The following MYO18B variants were observed in gnomAD, a reference collection of about 807,000 sequenced individuals.
The protein encoded by MYO18B is myosin XVIIIB.
In MYO18B, 204 loss-of-function variants were observed where a neutral mutation model predicts 273.0. The ratio of observed to expected loss-of-function variants is 0.75; its 90% CI spans 0.67 to 0.84. The LOEUF (loss-of-function observed/expected upper bound fraction) is 0.84. Among genes scored for constraint, MYO18B ranks in the 40% least tolerant of loss-of-function variants. The pLI, the probability that MYO18B is intolerant of heterozygous loss-of-function variation, is 0.00. For synonymous variants in MYO18B, 1,330 were observed against 1,305.7 expected, an observed-to-expected ratio of 1.02 and a Z score of -0.40; for missense variants, 3,212 against 3,287.6, an observed-to-expected ratio of 0.98 and a Z score of 0.56.
intron 1 of MYO18B, among the ~76,000 whole-genome samples, chr22:25,745,358 C>A (rs1021076799): frequency 1.3e-5 from 2 of 152,106 alleles, no homozygotes; most frequent in African/African-American, 4.8e-5. Context: ...GATCCACCCA[C>A]CTCAGCCTCC....
At chr22:25,778,372 T>C (rs181570838) in intron 8 of MYO18B, among the ~76,000 whole-genome samples, 41 of 152,242 alleles carry the variant, frequency 2.7e-4, no homozygotes, top group African/African-American at 9.4e-4. Context: ...GATCTGGGCC[T>C]TAAAAAAGAG....
At chr22:25,753,220 G>GC (rs148800649) in intron 1 of MYO18B, among the ~76,000 whole-genome samples, 1 of 151,968 alleles carries the variant, frequency 6.6e-6, no homozygotes, top group Non-Finnish European at 1.5e-5. Context: ...CTGGCCTCCC[G>GC]GTCGGCAGGG....
At chr22:25,940,639 G>A (rs746782849) in intron 34 of MYO18B, among the ~76,000 whole-genome samples, 4 of 152,060 alleles carry the variant, frequency 2.6e-5, no homozygotes, top group African/African-American at 4.8e-5. Flanking sequence ...ACATCCCCCC[G>A]GTGGTAGAGA....
At chr22:25,777,414 A>G (rs1297063642) in intron 7 of MYO18B, among the ~76,000 whole-genome samples, 169 bp from the exon 8 acceptor site, 1 of 152,232 alleles carries the variant, frequency 6.6e-6, no homozygotes, top group Non-Finnish European at 1.5e-5. Flanking sequence ...AGGACTAGAC[A>G]TACAGGCTTG....
At chr22:25,947,337 C>T (rs1206866329) in intron 35 of MYO18B, among the ~76,000 whole-genome samples, 1 of 151,968 alleles carries the variant, frequency 6.6e-6, no homozygotes, top group East Asian at 1.9e-4. Flanking sequence ...GAACAAAGTC[C>T]CTGTTCTCAG....
Position 25,777,664 on chromosome 22 carries a change from C to A in MYO18B, c.1951C>A (p.Arg651=), listed in dbSNP as rs375068756. ...QRAYWALLNQ[R]RDQSIVALGW... ...GGCATACTGGGCGCTGCTGAACCAG[C>A]GGAGAGACCAGAGCATTGTGGCCCT... The change falls in exon 8 of 44, where the codon CGG becomes AGG. Residue 651 remains arginine (R), a synonymous_variant. Coordinates refer to ENST00000335473, the MANE Select transcript of MYO18B (RefSeq NM_032608.7). 1 of 1,612,914 alleles carries A rather than the reference C, an allele frequency of 6.2e-7. No homozygotes were observed.
rs1267237567 is a variant in MYO18B, at chr22:25,770,936, T to C, written c.1644T>C (p.Ile548=). 3.2e-6 allele frequency: 5 copies of C among 1,552,272 alleles called. No individual in the cohort carries two copies. The highest frequency in any genetic ancestry group is 3.9e-5 in the Admixed American group (2 of 51,022). ...DLPAGRVRLW[I]DADKTITEVD... ...CAGCAGGAAGGGTGAGACTTTGGAT[T>C]GATGCTGACAAAACCATCACTGAGG... Residue 548 remains isoleucine, a synonymous_variant, in exon 6 of 44, where the codon ATT becomes ATC. Transcript: ENST00000335473.
At chr22:25,872,660 A>G (rs1460205545) in intron 22 of MYO18B, among the ~76,000 whole-genome samples, 1 of 150,728 alleles carries the variant, frequency 6.6e-6, no homozygotes, top group Non-Finnish European at 1.5e-5. Context: ...TCGTGGGCCA[A>G]TGCCTTTTTT....
downstream of MYO18B, among the ~76,000 whole-genome samples, chr22:26,034,928 A>G (rs968324785): frequency 6.6e-6 from 1 of 152,368 alleles, no homozygotes; most frequent in African/African-American, 2.4e-5. Flanking sequence ...GGCACTGTAG[A>G]AAAAGCTAAG....
At chr22:25,830,368 G>A (rs921150379) in intron 15 of MYO18B, among the ~76,000 whole-genome samples, 2 of 152,128 alleles carry the variant, frequency 1.3e-5, no homozygotes, top group Non-Finnish European at 2.9e-5. Context: ...CAAGTGTAGT[G>A]GCTTAGAAAA....
intron 40 of MYO18B, among the ~76,000 whole-genome samples, chr22:25,993,663 A>G (rs1039853607): frequency 1.3e-5 from 2 of 152,084 alleles, no homozygotes; most frequent in Admixed American, 6.6e-5. Flanking sequence ...TCCTACCCAG[A>G]CCTTTGCCAT....
intron 13 of MYO18B, among the ~76,000 whole-genome samples, chr22:25,824,672 C>T (rs113471547): frequency 0.02 from 3,011 of 152,228 alleles, 75 homozygotes; most frequent in African/African-American, 0.054. Flanking sequence ...GGGACTTCGG[C>T]GTGAGGACTG....
rs776243094 is a variant in MYO18B, at chr22:25,769,217, A to G, written c.1301A>G (p.Lys434Arg). ...GTGGAGTCGCCAGCAGCTCCTGGGA[A>G]GGGAGGCTGGCCAGGAAGCCGTGGG... Reference protein sequence around the residue: ...TMVESPAAPGKGGWPGSRGQE... With the variant: ...TMVESPAAPGRGGWPGSRGQE... Residue 434 changes from lysine to arginine, a missense_variant, in exon 4 of 44, where the codon AAG becomes AGG. Coordinates refer to ENST00000335473, the MANE Select transcript of MYO18B (RefSeq NM_032608.7). 5 of 1,604,698 alleles carry G rather than the reference A, an allele frequency of 3.1e-6. No individual in the cohort carries two copies. In the African/African-American group the frequency reaches 5.3e-5, roughly 17 times the overall value.
intron 21 of MYO18B, among the ~76,000 whole-genome samples, chr22:25,855,584 TTC>T (rs2090548142): frequency 6.6e-6 from 1 of 152,192 alleles, no homozygotes; most frequent in Non-Finnish European, 1.5e-5. Flanking sequence ...CCGGCCCTCA[TTC>T]TTTTTTTGTG....
intron 39 of MYO18B, among the ~76,000 whole-genome samples, chr22:25,977,156 G>A (rs752505741): frequency 6.6e-6 from 1 of 152,084 alleles, no homozygotes; most frequent in Non-Finnish European, 1.5e-5. Context: ...CAATGGATGT[G>A]GTTCTCCTTC....
chr22:25,947,296 G>A (rs2092723347), intron 35 of MYO18B, among the ~76,000 whole-genome samples: 1 of 152,014 alleles, frequency 6.6e-6, no homozygotes, highest in Non-Finnish European at 1.5e-5. Flanking sequence ...GGCTGGCCTG[G>A]TGCTTGCTGC....
intron 38 of MYO18B, among the ~76,000 whole-genome samples, chr22:25,954,893 A>G (rs1198758270): frequency 1.3e-5 from 2 of 152,026 alleles, no homozygotes; most frequent in African/African-American, 4.8e-5. Context: ...TGTATTTCTT[A>G]GAGAAGGGAT....
intron 1 of MYO18B, among the ~76,000 whole-genome samples, chr22:25,744,514 G>A (rs1428485192): frequency 3.3e-5 from 5 of 152,078 alleles, no homozygotes; most frequent in Non-Finnish European, 7.4e-5. Context: ...GGCAGATCAC[G>A]AGGTCAGGAG....
At position 25,769,223 on chromosome 22, in the gene MYO18B, G is replaced by T. The variant is rs1246598364; in HGVS notation, c.1307G>T (p.Gly436Val). The T allele has an allele frequency of 6.2e-7, 1 of 1,603,156 alleles. No homozygotes were observed. Among genetic ancestry groups the T allele is most frequent in the African/African-American group, 1.3e-5 (1 of 74,744 alleles). ...VESPAAPGKG[G>V]WPGSRGQEAE... Reference sequence around the variant, plus strand: ...TCGCCAGCAGCTCCTGGGAAGGGAGGCTGGCCAGGAAGCCGTGGGCAGGAA... The same window carrying T: ...TCGCCAGCAGCTCCTGGGAAGGGAGTCTGGCCAGGAAGCCGTGGGCAGGAA... The change falls in exon 4 of 44, where the codon GGC (glycine) becomes GTC (valine). Residue 436 changes from glycine to valine, a missense_variant. Transcript: ENST00000335473.
Sources: gnomAD v4.1 joint callset for allele counts (sites outside exome capture counted in the v4.1 genomes callset) on GRCh38, gnomAD v4.1.1 for gene constraint, MANE v1.5 for transcripts, NCBI Gene and HGNC (gene_info 2026-07-23, HGNC 2026-07-21) for gene names.